SDK1: variants seen among roughly 807,000 people sequenced by gnomAD.
SDK1 encodes the protein protein sidekick-1.
A neutral mutation model predicts 245.5 loss-of-function variants in SDK1; 157 were observed. The ratio of observed to expected loss-of-function variants is 0.64; its 90% CI spans 0.56 to 0.73. SDK1 has a LOEUF of 0.73. Among genes scored for constraint, SDK1 ranks in the 30% least tolerant of loss-of-function variants. The pLI, the probability that SDK1 is intolerant of heterozygous loss-of-function variation, is 0.00. For synonymous variants in SDK1, 1,647 were observed against 1,278.5 expected, an observed-to-expected ratio of 1.29 and a Z score of -6.15; for missense variants, 3,583 against 3,002.3, an observed-to-expected ratio of 1.19 and a Z score of -4.52.
chr7:4,128,354 G>T (rs112239690), intron 26 of SDK1, among the ~76,000 whole-genome samples: 5 of 152,332 alleles, frequency 3.3e-5, no homozygotes, highest in African/African-American at 1.2e-4. Context: ...ACACATGGCA[G>T]TCCCGTTGAG....
At chr7:3,824,210 C>CT (rs1779715016) in intron 5 of SDK1, among the ~76,000 whole-genome samples, 1 of 152,090 alleles carries the variant, frequency 6.6e-6, no homozygotes, top group Non-Finnish European at 1.5e-5. Flanking sequence ...CCTATTGATA[C>CT]TGGGAGTAAG....
chr7:3,974,277 T>G, intron 12 of SDK1, 92 bp from the exon 13 acceptor site: 6 of 1,013,124 alleles, frequency 5.9e-6, no homozygotes, highest in Non-Finnish European at 7.3e-6. Flanking sequence ...ATTCACAAGA[T>G]TGTTAGTTGC....
At chr7:3,888,015 G>T (rs939973002) in intron 5 of SDK1, among the ~76,000 whole-genome samples, 1 of 152,164 alleles carries the variant, frequency 6.6e-6, no homozygotes, top group Non-Finnish European at 1.5e-5. Flanking sequence ...AACAATAAAG[G>T]TGCTTTTCAA....
intron 1 of SDK1, among the ~76,000 whole-genome samples, chr7:3,523,463 G>A (rs1402686087): frequency 6.6e-6 from 1 of 152,132 alleles, no homozygotes; most frequent in African/African-American, 2.4e-5. Context: ...CTGAGTGCTA[G>A]ATTAGTGGAT....
At chr7:4,173,573 C>G (rs1386325640) in intron 32 of SDK1, among the ~76,000 whole-genome samples, 1 of 152,218 alleles carries the variant, frequency 6.6e-6, no homozygotes, top group East Asian at 1.9e-4. Context: ...TAATGAGCGC[C>G]TAGCCATGGC....
intron 1 of SDK1, among the ~76,000 whole-genome samples, chr7:3,613,245 C>G (rs530359757): frequency 3.3e-5 from 5 of 152,280 alleles, no homozygotes; most frequent in Middle Eastern, 3.4e-3. Flanking sequence ...GTAGTAGGCT[C>G]CAGCTGCTGC....
chr7:3,835,352 A>T (rs1780006811), intron 5 of SDK1, among the ~76,000 whole-genome samples: 1 of 152,136 alleles, frequency 6.6e-6, no homozygotes, highest in South Asian at 2.1e-4. Context: ...TCTTTGTCTC[A>T]GTCTTACTCA....
At chr7:3,517,768 A>G (rs561730235) in intron 1 of SDK1, among the ~76,000 whole-genome samples, 2 of 152,176 alleles carry the variant, frequency 1.3e-5, no homozygotes, top group African/African-American at 2.4e-5. Flanking sequence ...TTTCCAGCAC[A>G]GGTAAAGAAT....
At chr7:3,498,888 G>A (rs1017911038) in intron 1 of SDK1, among the ~76,000 whole-genome samples, 12 of 152,094 alleles carry the variant, frequency 7.9e-5, no homozygotes, top group African/African-American at 2.7e-4. Context: ...CCTGCTACAT[G>A]ACACTTTAGG....
At chr7:3,529,868 T>G (rs181450592) in intron 1 of SDK1, among the ~76,000 whole-genome samples, 2 of 152,154 alleles carry the variant, frequency 1.3e-5, no homozygotes, top group African/African-American at 4.8e-5. Context: ...CTGACAAAAT[T>G]GTATTCCTGA....
intron 40 of SDK1, among the ~76,000 whole-genome samples, chr7:4,225,368 G>A (rs189411426): frequency 1.3e-4 from 20 of 152,300 alleles, no homozygotes; most frequent in Non-Finnish European, 2.6e-4. Context: ...AGCCTGCTCG[G>A]ACAAGCACAC....
In SDK1 at chr7:4,237,736, G is replaced by A. The variant is rs1297265727; in HGVS notation, c.6082G>A (p.Ala2028Thr). The A allele has an allele frequency of 1.7e-5, 28 of 1,614,104 alleles. No homozygotes were observed. Among genetic ancestry groups the A allele is most frequent in the East Asian group, 2.2e-5 (1 of 44,872 alleles). The stretch of plus-strand genomic sequence containing the variant: ...GATCGTCATCCTGCTGGTGGTGTTC[G>A]CCCTCGTCCTGCACGGGCAGAATAA... ...SLIVILLVVF[A>T]LVLHGQNKKY... Residue 2028 changes from alanine to threonine, a missense_variant, in exon 42 of 45, where the codon GCC becomes ACC. Physicochemically the swap from Ala to Thr is moderately conservative, Grantham distance 58. Transcript: ENST00000404826.
At chr7:4,139,503 GTATA>G (rs1562871515) in intron 28 of SDK1, among the ~76,000 whole-genome samples, 49,068 of 127,804 alleles carry the variant, frequency 0.38, 17,673 homozygotes, top group East Asian at 0.73. Flanking sequence ...ATGTGTGTGT[GTATA>G]TGTATATATG....
chr7:3,683,030 G>T (rs115743654), intron 4 of SDK1, among the ~76,000 whole-genome samples: 6 of 152,100 alleles, frequency 3.9e-5, no homozygotes, highest in Non-Finnish European at 8.8e-5. Context: ...TACCACGCGC[G>T]GCCTGGATTT....
intron 5 of SDK1, among the ~76,000 whole-genome samples, chr7:3,907,990 G>A (rs1041947716): frequency 1.3e-5 from 2 of 152,088 alleles, no homozygotes; most frequent in African/African-American, 4.8e-5. Context: ...GGGGCTTGGG[G>A]GTGATACTGA....
At chr7:3,955,063 G>A (rs111286600) in intron 7 of SDK1, among the ~76,000 whole-genome samples, 38 of 152,060 alleles carry the variant, frequency 2.5e-4, no homozygotes, top group Admixed American at 4.6e-4. Context: ...CCTTCTCCAC[G>A]GTCTCCTCAT....
At chr7:4,262,499 A>G (rs1583199176) in intron 44 of SDK1, among the ~76,000 whole-genome samples, 1 of 151,600 alleles carries the variant, frequency 6.6e-6, no homozygotes, top group Admixed American at 6.6e-5. Flanking sequence ...TGATCTTCAA[A>G]CATCAGTGGG....
rs539804108 is a variant in SDK1 at position 3,416,867 on chromosome 7, G to A, written c.298+114983G>A. On this transcript the variant is annotated intron_variant, in intron 1 of 44. Transcript: ENST00000404826. Reference sequence around the variant, plus strand: ...GTTATGCCCAGTTGGTTAGAACCTAGAAAGTGATAAAAGTGAGCCATGCAG... The same window carrying A: ...GTTATGCCCAGTTGGTTAGAACCTAAAAAGTGATAAAAGTGAGCCATGCAG... Among the ~76,000 whole-genome samples, 3 of 152,212 alleles carry A rather than the reference G, an allele frequency of 2.0e-5. No homozygotes were observed. The South Asian group carries it at 6.2e-4, about 32-fold the overall frequency.
At chr7:3,343,564 A>G (rs980316548) in intron 1 of SDK1, among the ~76,000 whole-genome samples, 8 of 152,136 alleles carry the variant, frequency 5.3e-5, no homozygotes, top group African/African-American at 1.9e-4. Context: ...GGTGGTGGAA[A>G]TACTCTATCT....
Sources: gnomAD v4.1 joint callset for allele counts (sites outside exome capture counted in the v4.1 genomes callset) on GRCh38, gnomAD v4.1.1 for gene constraint, MANE v1.5 for transcripts, NCBI Gene and HGNC (gene_info 2026-07-23, HGNC 2026-07-21) for gene names.